Variants in DMD observed in about 807,000 individuals in gnomAD.
DMD encodes dystrophin.
DMD carries 63 observed loss-of-function variants against 330.1 expected under a neutral mutation model. The observed-to-expected ratio is 0.19, with a 90% confidence interval of 0.16 to 0.24. DMD has a LOEUF of 0.24. Among genes scored for constraint, DMD ranks in the 10% least tolerant of loss-of-function variants. DMD has a pLI of 1.00. For missense variants in DMD, 3,344 were observed against 2,684.1 expected (o/e 1.25, Z -5.43); for synonymous variants, 1,223 against 959.8 (o/e 1.27, Z -5.07).
intron 44 of DMD, among the ~76,000 whole-genome samples, chrX:32,093,920 A>T (rs1440825097): frequency 1.9e-5 from 2 of 106,612 alleles, no homozygotes; most frequent in African/African-American, 6.8e-5. Context: ...ACCCTCCTTT[A>T]AAAAAAAAAG....
chrX:31,501,356 T>C (rs776909219), intron 56 of DMD, among the ~76,000 whole-genome samples: 1 of 112,260 alleles, frequency 8.9e-6, no homozygotes, highest in African/African-American at 3.2e-5. Flanking sequence ...ACATTGCTAA[T>C]TGTCAAATAT....
chrX:31,933,888 A>G (rs1257592397), intron 45 of DMD, among the ~76,000 whole-genome samples: 2 of 111,755 alleles, frequency 1.8e-5, no homozygotes, highest in Non-Finnish European at 3.8e-5. Context: ...CTGGCTGTAT[A>G]GCATTTAATT....
intron 44 of DMD, among the ~76,000 whole-genome samples, chrX:32,208,513 C>T (rs185179071): frequency 0.019 from 2,135 of 111,242 alleles, 54 homozygotes; most frequent in African/African-American, 0.065. Context: ...GTCAGGTTTT[C>T]CCAAGTCAGA....
chrX:32,880,632 C>G (rs2083844620), intron 2 of DMD, among the ~76,000 whole-genome samples: 1 of 112,620 alleles, frequency 8.9e-6, no homozygotes, highest in East Asian at 2.8e-4. Flanking sequence ...GGCAGAATCT[C>G]AAAACTGAGT....
At chrX:32,729,833 A>G (rs2067334656) in intron 7 of DMD, among the ~76,000 whole-genome samples, 1 of 112,224 alleles carries the variant, frequency 8.9e-6, no homozygotes, top group Admixed American at 9.5e-5. Flanking sequence ...GGCATTCAAC[A>G]TATCTTAACC....
intron 53 of DMD, among the ~76,000 whole-genome samples, chrX:31,674,457 T>C (rs747996899): frequency 1.9e-4 from 21 of 112,512 alleles, no homozygotes; most frequent in Middle Eastern, 4.6e-3. Flanking sequence ...TGAAAAGTAT[T>C]GAATTTCTTG....
At chrX:32,866,585 AAC>A (rs1332579021) in intron 2 of DMD, among the ~76,000 whole-genome samples, 3 of 111,705 alleles carry the variant, frequency 2.7e-5, no homozygotes, top group Non-Finnish European at 3.8e-5. Context: ...ATTAGAAAAG[AAC>A]ACAGTCATTA....
Position 32,365,075 on chromosome X carries a change from T to G in DMD, c.4970A>C (p.Asn1657Thr). Residue 1657 changes from asparagine (N) to threonine (T), a missense_variant, in exon 35 of 79, where the codon AAT (asparagine) becomes ACT (threonine). Coordinates refer to ENST00000357033, the MANE Select transcript of DMD (RefSeq NM_004006.3). Reference protein sequence around the residue: ...TLVEDKLSLLNSNWIAVTSRA... With the variant: ...TLVEDKLSLLTSNWIAVTSRA... ...GGAGGTGACAGCTATCCAGTTACTA[T>G]TCAGAAGACTGAGTTTATCTTCCAC... is the stretch of plus-strand genomic sequence containing the variant. 8.3e-7 allele frequency: 1 copy of G among 1,210,954 alleles called. No homozygotes were observed. The highest frequency in any genetic ancestry group is 1.1e-6 in the Non-Finnish European group (1 of 895,179).
At chrX:31,222,709 G>T (rs1290083744) in intron 64 of DMD, among the ~76,000 whole-genome samples, 1 of 110,871 alleles carries the variant, frequency 9.0e-6, no homozygotes, top group Non-Finnish European at 1.9e-5. Flanking sequence ...AGTACATTTT[G>T]TAAAAAGAAA....
intron 2 of DMD, among the ~76,000 whole-genome samples, chrX:32,957,958 A>G (rs928412766): frequency 2.7e-5 from 3 of 112,155 alleles, no homozygotes; most frequent in Non-Finnish European, 5.6e-5. Context: ...AACATATAAT[A>G]ATAAAATAAA....
chrX:31,528,246 AACACTT>A (rs776337688), intron 55 of DMD, among the ~76,000 whole-genome samples: 11,023 of 111,692 alleles, frequency 0.099, 535 homozygotes, highest in Admixed American at 0.19. Context: ...ATCCTTTAGG[AACACTT>A]TACTATTATT....
At chrX:31,846,936 G>A (rs753046844) in intron 48 of DMD, among the ~76,000 whole-genome samples, 2 of 111,701 alleles carry the variant, frequency 1.8e-5, no homozygotes, top group Non-Finnish European at 3.8e-5. Context: ...AACAAGGCTG[G>A]CATTTGAGTA....
chrX:31,445,118 A>T (rs775858973), intron 59 of DMD, among the ~76,000 whole-genome samples: 1 of 112,112 alleles, frequency 8.9e-6, no homozygotes. Flanking sequence ...TTGTGGTAGT[A>T]TTATAACAAT....
intron 34 of DMD, among the ~76,000 whole-genome samples, chrX:32,368,916 G>C (rs1428128385): frequency 9.0e-6 from 1 of 111,106 alleles, no homozygotes; most frequent in African/African-American, 3.3e-5. Context: ...TAATGTGATT[G>C]CTGCTAGGAT....
intron 44 of DMD, among the ~76,000 whole-genome samples, chrX:32,122,433 A>G (rs1335075150): frequency 8.9e-6 from 1 of 111,977 alleles, no homozygotes; most frequent in African/African-American, 3.2e-5. Flanking sequence ...GTCACAATCT[A>G]GGTCTTCACA....
chrX:31,666,340 G>A (rs903619368), intron 53 of DMD, among the ~76,000 whole-genome samples: 4 of 111,793 alleles, frequency 3.6e-5, no homozygotes, highest in African/African-American at 1.3e-4. Flanking sequence ...TTGCCTCTAT[G>A]ATCATGAAAG....
chrX:32,869,546 A>G (rs901084519), intron 2 of DMD, among the ~76,000 whole-genome samples: 8 of 100,574 alleles, frequency 8.0e-5, no homozygotes, highest in Admixed American at 4.6e-4. Context: ...ATCAGTCTAG[A>G]GAGTAACATA....
chrX:32,307,166 G>C, intron 42 of DMD, among the ~76,000 whole-genome samples: 1 of 111,106 alleles, frequency 9.0e-6, no homozygotes, highest in Non-Finnish European at 1.9e-5. Flanking sequence ...GATGTCTTTG[G>C]GAATGATCCA....
chrX:32,166,436 C>A (rs1051541702), intron 44 of DMD, among the ~76,000 whole-genome samples: 4 of 111,228 alleles, frequency 3.6e-5, no homozygotes. Context: ...CCAGCTTAGG[C>A]AACAGAATGA....
Sources: gnomAD v4.1 joint callset for allele counts (sites outside exome capture counted in the v4.1 genomes callset) on GRCh38, gnomAD v4.1.1 for gene constraint, MANE v1.5 for transcripts, NCBI Gene and HGNC (gene_info 2026-07-23, HGNC 2026-07-21) for gene names.